The following GPC6 variants were observed in gnomAD, a reference collection of about 807,000 sequenced individuals.
The protein encoded by GPC6 is glypican-6.
In GPC6, 14 loss-of-function variants were observed where a neutral mutation model predicts 55.2. That is an observed-to-expected ratio of 0.25 (90% confidence interval 0.17 to 0.40). The LOEUF (loss-of-function observed/expected upper bound fraction) is 0.40. Ranked by LOEUF, GPC6 falls within the 10% of genes least tolerant of loss-of-function variation. The pLI is 1.00. For missense variants in GPC6, 641 were observed against 708.5 expected (o/e 0.90, Z 1.08); for synonymous variants, 278 against 259.6 (o/e 1.07, Z -0.68).
intron 1 of GPC6, among the ~76,000 whole-genome samples, chr13:93,515,550 G>A (rs932109293): frequency 1.1e-4 from 16 of 152,132 alleles, no homozygotes; most frequent in Admixed American, 3.3e-4. Flanking sequence ...AATTTTGTGA[G>A]CCTTATGTTT....
chr13:93,664,725 C>G (rs1881064504), intron 2 of GPC6, among the ~76,000 whole-genome samples: 1 of 152,130 alleles, frequency 6.6e-6, no homozygotes, highest in South Asian at 2.1e-4. Flanking sequence ...TCAAGCAATT[C>G]TCCTGCCTCA....
At chr13:94,034,169 G>A (rs368366264) in intron 4 of GPC6, among the ~76,000 whole-genome samples, 4 of 148,860 alleles carry the variant, frequency 2.7e-5, no homozygotes, top group African/African-American at 5.0e-5. Context: ...TGCATAAGCC[G>A]TACTAACTAC....
At chr13:93,927,134 C>G (rs1594594249) in intron 3 of GPC6, among the ~76,000 whole-genome samples, 1 of 152,190 alleles carries the variant, frequency 6.6e-6, no homozygotes. Flanking sequence ...AGTGAACTCT[C>G]TCACTAAGAC....
At chr13:93,234,083 C>T (rs1375851406) in intron 1 of GPC6, among the ~76,000 whole-genome samples, 1 of 152,118 alleles carries the variant, frequency 6.6e-6, no homozygotes, top group East Asian at 1.9e-4. Flanking sequence ...TGTAAGACAA[C>T]CCTGGGGTGA....
rs138140461 is a variant in GPC6, at chr13:94,061,851, C to T, written c.877+33957C>T. ...GCACTTCAAGACCCAAGGTCTACTA[C>T]AAGAAACCTACCCAATTTTGAAAGA... is the stretch of plus-strand genomic sequence containing the variant. On this transcript the variant is annotated intron_variant, in intron 4 of 8. Transcript: ENST00000377047. Among the ~76,000 whole-genome samples the T allele has an allele frequency of 3.3e-3, 505 of 151,318 alleles. 5 individuals are homozygous for T. The highest frequency in any genetic ancestry group is 0.012 in the African/African-American group (492 of 41,324).
At chr13:94,364,058 T>G (rs1879182005) in intron 6 of GPC6, among the ~76,000 whole-genome samples, 1 of 152,208 alleles carries the variant, frequency 6.6e-6, no homozygotes, top group Non-Finnish European at 1.5e-5. Context: ...ACTAGAAAAT[T>G]TAAAATTACA....
At chr13:94,214,229 T>G (rs1890164576) in intron 4 of GPC6, among the ~76,000 whole-genome samples, 1 of 152,236 alleles carries the variant, frequency 6.6e-6, no homozygotes, top group African/African-American at 2.4e-5. Flanking sequence ...CAAATGCTTG[T>G]GCATATGTGG....
chr13:93,287,648 T>A (rs1036650063), intron 1 of GPC6, among the ~76,000 whole-genome samples: 2 of 152,182 alleles, frequency 1.3e-5, no homozygotes, highest in Admixed American at 6.5e-5. Flanking sequence ...ATCAAACTAT[T>A]TTTCAAATAT....
intron 3 of GPC6, among the ~76,000 whole-genome samples, chr13:94,021,412 G>C (rs1280280495): frequency 6.6e-6 from 1 of 151,990 alleles, no homozygotes; most frequent in Non-Finnish European, 1.5e-5. Context: ...GAAATCTTAA[G>C]TGTATTAGAG....
intron 1 of GPC6, among the ~76,000 whole-genome samples, chr13:93,398,680 C>G (rs915928736): frequency 6.6e-6 from 1 of 152,102 alleles, no homozygotes; most frequent in African/African-American, 2.4e-5. Context: ...AAACCAGGTC[C>G]TATGCCAGAT....
intron 1 of GPC6, among the ~76,000 whole-genome samples, chr13:93,409,434 G>A (rs1188109972): frequency 6.6e-6 from 1 of 152,058 alleles, no homozygotes; most frequent in African/African-American, 2.4e-5. Flanking sequence ...TTTAGCTAAC[G>A]TGGTCTGTGG....
chr13:93,645,294 A>T (rs963440107), intron 2 of GPC6, among the ~76,000 whole-genome samples: 24 of 151,560 alleles, frequency 1.6e-4, no homozygotes, highest in African/African-American at 5.8e-4. Flanking sequence ...CCAATGTTTT[A>T]AATAGACATA....
At chr13:94,319,020 C>A (rs1436727794) in intron 6 of GPC6, among the ~76,000 whole-genome samples, 1 of 152,012 alleles carries the variant, frequency 6.6e-6, no homozygotes. Context: ...ATTTTAAAAT[C>A]CAGAATAACA....
intron 4 of GPC6, among the ~76,000 whole-genome samples, chr13:94,134,725 T>G (rs1004374519): frequency 1.2e-4 from 18 of 152,134 alleles, no homozygotes; most frequent in African/African-American, 4.1e-4. Flanking sequence ...TCTAAGGTCT[T>G]TGTAGGGAAT....
the GPC6 span, among the ~76,000 whole-genome samples, chr13:93,218,087 A>G: frequency 1.4e-5 from 2 of 147,216 alleles, no homozygotes; most frequent in African/African-American, 5.0e-5. Flanking sequence ...TCATTAGTAC[A>G]TGGAACTTCC....
At chr13:94,040,908 G>A (rs965666202) in intron 4 of GPC6, among the ~76,000 whole-genome samples, 1 of 151,866 alleles carries the variant, frequency 6.6e-6, no homozygotes, top group South Asian at 2.1e-4. Flanking sequence ...GGAGAAGCTA[G>A]TTTCAGGATT....
upstream of GPC6, among the ~76,000 whole-genome samples, chr13:93,223,018 A>ATTTTTTTTTTTTTTTTTT (rs1875661668): frequency 4.1e-5 from 2 of 48,286 alleles, no homozygotes; most frequent in Admixed American, 2.5e-4. Context: ...CAGGGAAAAC[A>ATTTTTTTTTTTTTTTTTT]CTTTTTTTTT....
chr13:94,025,277 G>C (rs1882850422), intron 3 of GPC6, among the ~76,000 whole-genome samples: 1 of 152,178 alleles, frequency 6.6e-6, no homozygotes, highest in African/African-American at 2.4e-5. Context: ...ATAAAATCCT[G>C]TGGTAAAGGT....
At chr13:94,250,992 A>T (rs1356461950) in intron 4 of GPC6, among the ~76,000 whole-genome samples, 1 of 152,134 alleles carries the variant, frequency 6.6e-6, no homozygotes, top group African/African-American at 2.4e-5. Flanking sequence ...AATAGGGGAG[A>T]TGGAATTGCC....
Sources: allele counts gnomAD v4.1 joint callset (sites outside exome capture counted in the v4.1 genomes callset), GRCh38; gene constraint gnomAD v4.1.1; transcripts MANE v1.5; gene names NCBI Gene and HGNC (gene_info 2026-07-23, HGNC 2026-07-21).